Variants in C1orf198 observed in about 807,000 individuals in gnomAD.
C1orf198 encodes uncharacterized protein C1orf198.
In C1orf198, 17 loss-of-function variants were observed where a neutral mutation model predicts 31.4. The ratio of observed to expected loss-of-function variants is 0.54; its 90% CI spans 0.37 to 0.81. The LOEUF (loss-of-function observed/expected upper bound fraction) is 0.81, where lower values mean the gene tolerates loss of function less well. Among genes scored for constraint, C1orf198 ranks in the 40% least tolerant of loss-of-function variants. The pLI, the probability that C1orf198 is intolerant of heterozygous loss-of-function variation, is 0.00. For synonymous variants in C1orf198, 175 were observed against 193.8 expected, an observed-to-expected ratio of 0.90 and a Z score of 0.81; for missense variants, 401 against 450.3, an observed-to-expected ratio of 0.89 and a Z score of 0.99.
At chr1:230,868,522 G>C (rs1451905677), upstream of C1orf198, 9 of 1,316,488 alleles carry the variant, frequency 6.8e-6, no homozygotes, top group Non-Finnish European at 8.8e-6. Flanking sequence ...TGCCCGGCCT[G>C]CCCGCCGCTC....
In C1orf198 at chr1:230,864,644, G is replaced by A. The variant is rs73105765; in HGVS notation, c.333+3536C>T. On this transcript the variant is annotated intron_variant, in intron 1 of 3. Transcript: ENST00000366663. ...GATATTGAAACACCCTTCTTGCCCA[G>A]CTCCACCGTATGGAGAGATGGAAGA... Among the ~76,000 whole-genome samples, 387 of 152,292 alleles carry A rather than the reference G, an allele frequency of 2.5e-3. 1 individual carries two copies. Among genetic ancestry groups the A allele is most frequent in the African/African-American group, 9.0e-3 (373 of 41,554 alleles).
chr1:230,842,203 T>C (rs892700908), intron 3 of C1orf198, among the ~76,000 whole-genome samples: 5 of 152,278 alleles, frequency 3.3e-5, no homozygotes, highest in Middle Eastern at 3.4e-3. Flanking sequence ...GTTCTGGAGA[T>C]GGATGGTAGT....
At chr1:230,842,397 G>A (rs189184095) in intron 3 of C1orf198, among the ~76,000 whole-genome samples, 5 of 152,294 alleles carry the variant, frequency 3.3e-5, no homozygotes, top group East Asian at 3.9e-4. Context: ...ATATACGATG[G>A]AATACTACTC....
rs1669371683 is a variant in C1orf198, at chr1:230,838,881, G to A, written c.*971C>T. On this transcript the variant is annotated 3_prime_UTR_variant, in exon 4 of 4. Coordinates refer to ENST00000366663, the MANE Select transcript of C1orf198 (RefSeq NM_032800.3). The surrounding 1 kb of genome is among the most constrained non-coding windows in gnomAD (Gnocchi z 4.2). ...TCCACTTCTGGTGGTGGTCAGGGCTGGGGAAGGTCCGTCATGACGCAACCT... is the reference window on the plus strand; with the variant it reads ...TCCACTTCTGGTGGTGGTCAGGGCTAGGGAAGGTCCGTCATGACGCAACCT... 6.6e-6 allele frequency: 1 copy of A among 152,426 alleles called. No individual in the cohort carries two copies. Among genetic ancestry groups the A allele is most frequent in the African/African-American group, 2.4e-5 (1 of 41,466 alleles). 9.4% of individuals were successfully genotyped at this position (152,426 alleles called of 1,614,324 possible).
At chr1:230,846,089 C>T (rs1669582820) in intron 2 of C1orf198, among the ~76,000 whole-genome samples, 1 of 152,234 alleles carries the variant, frequency 6.6e-6, no homozygotes, top group Non-Finnish European at 1.5e-5. Context: ...TTGCCATAAA[C>T]ATCTTCATGC....
At position 230,857,415 on chromosome 1, in the gene C1orf198, C is replaced by T. The variant is rs777403087; in HGVS notation, c.334-1697G>A. Among the ~76,000 whole-genome samples the T allele has an allele frequency of 1.3e-5, 2 of 152,184 alleles. No individual in the cohort carries two copies. The highest frequency in any genetic ancestry group is 2.9e-5 in the Non-Finnish European group (2 of 68,036). On this transcript the variant is annotated intron_variant, in intron 1 of 3. Transcript: ENST00000366663. The surrounding 1 kb of genome is among the most constrained non-coding windows in gnomAD (Gnocchi z 4.2). ...GATCCTTTCACAGGTTGATTTTCCC[C>T]CACAATCACCCGCTCCCAACACTCA... is the stretch of plus-strand genomic sequence containing the variant.
intron 1 of C1orf198, among the ~76,000 whole-genome samples, chr1:230,858,525 C>T (rs1320944296): frequency 6.6e-6 from 1 of 152,204 alleles, no homozygotes; most frequent in Non-Finnish European, 1.5e-5. Context: ...AACCGGCCAT[C>T]CACAGGGTAG....
chr1:230,868,362 G>A lies in C1orf198; in HGVS notation c.151C>T (p.Arg51Cys), dbSNP rs777234649. 12 of 1,598,244 alleles carry A rather than the reference G, an allele frequency of 7.5e-6. No individual in the cohort carries two copies. The Admixed American group carries it at 1.7e-4, about 23-fold the overall frequency. Residue 51 changes from arginine to cysteine, a missense_variant, in exon 1 of 4, where the codon CGC (arginine) becomes TGC (cysteine). Transcript: ENST00000366663. ...RKIMQDKEKI[R>C]EKYGPEWARL... ...GCCCACTCGGGCCCGTACTTCTCGC[G>A]GATCTTCTCCTTGTCCTGCATGATC...
At chr1:230,852,253 G>A (rs950242534) in intron 2 of C1orf198, among the ~76,000 whole-genome samples, 4 of 152,104 alleles carry the variant, frequency 2.6e-5, no homozygotes, top group African/African-American at 7.2e-5. Flanking sequence ...GCTGTTGTTC[G>A]AGCACAGAAG....
At chr1:230,860,666 T>C (rs12042210) in intron 1 of C1orf198, among the ~76,000 whole-genome samples, 21,794 of 152,200 alleles carry the variant, frequency 0.14, 1,890 homozygotes, top group East Asian at 0.38. Context: ...GGCAAAATCA[T>C]AGAGACAGAA....
chr1:230,864,991 G>T (rs191873868), intron 1 of C1orf198, among the ~76,000 whole-genome samples: 1 of 152,204 alleles, frequency 6.6e-6, no homozygotes, highest in African/African-American at 2.4e-5. Context: ...GCTGGAGGAA[G>T]AACGTGGCAA....
intron 1 of C1orf198, among the ~76,000 whole-genome samples, chr1:230,859,425 C>T (rs1296220358): frequency 2.6e-5 from 4 of 152,102 alleles, no homozygotes; most frequent in South Asian, 2.1e-4. Flanking sequence ...TTAGGCCACA[C>T]GACAAGAGAG....
At chr1:230,868,076 G>C in intron 1 of C1orf198, 104 bp downstream of exon 1, 1 of 1,133,534 alleles carries the variant, frequency 8.8e-7, no homozygotes, top group Non-Finnish European at 1.1e-6. Flanking sequence ...TTCTTTTCCA[G>C]CCCCTACCAG....
intron 2 of C1orf198, among the ~76,000 whole-genome samples, chr1:230,847,644 G>T (rs1033450208): frequency 1.3e-5 from 2 of 152,116 alleles, no homozygotes; most frequent in African/African-American, 2.4e-5. Context: ...GATCTAATTT[G>T]ATTTTAAAGG....
At chr1:230,865,900 G>A (rs928767449) in intron 1 of C1orf198, among the ~76,000 whole-genome samples, 7 of 152,212 alleles carry the variant, frequency 4.6e-5, no homozygotes, top group African/African-American at 1.4e-4. Flanking sequence ...TGGCAATGGG[G>A]GAGAGGATAC....
At chr1:230,866,545 C>G (rs911908866) in intron 1 of C1orf198, among the ~76,000 whole-genome samples, 1 of 152,208 alleles carries the variant, frequency 6.6e-6, no homozygotes, top group African/African-American at 2.4e-5. Flanking sequence ...CCACATTCTT[C>G]CTTGTCAGTA....
At chr1:230,866,132 T>G (rs1037980878) in intron 1 of C1orf198, among the ~76,000 whole-genome samples, 7 of 152,206 alleles carry the variant, frequency 4.6e-5, no homozygotes, top group African/African-American at 1.4e-4. Context: ...CTGGCCCTCC[T>G]CCATGAATGA....
chr1:230,864,782 C>G (rs1670080143), intron 1 of C1orf198, among the ~76,000 whole-genome samples: 1 of 152,176 alleles, frequency 6.6e-6, no homozygotes, highest in Admixed American at 6.5e-5. Context: ...CCCTGTAACT[C>G]TCACCATGTA....
At chr1:230,847,102 CAAAAA>C (rs71179741) in intron 2 of C1orf198, among the ~76,000 whole-genome samples, 4 of 69,692 alleles carry the variant, frequency 5.7e-5, no homozygotes, top group African/African-American at 3.9e-4. Context: ...GACTCCGTCT[CAAAAA>C]AAAAAAAAAA....
Sources: gnomAD v4.1 joint callset for allele counts (sites outside exome capture counted in the v4.1 genomes callset) on GRCh38, gnomAD v4.1.1 for gene constraint, Gnocchi (gnomAD v3.1) non-coding constraint, MANE v1.5 for transcripts, NCBI Gene and HGNC (gene_info 2026-07-23, HGNC 2026-07-21) for gene names.